PCDHGA5: variants seen among roughly 807,000 people sequenced by gnomAD.
The protein encoded by PCDHGA5 is protocadherin gamma subfamily A, 5, also known as protocadherin gamma-A5.
A neutral mutation model predicts 56.7 loss-of-function variants in PCDHGA5; 36 were observed. The ratio of observed to expected loss-of-function variants is 0.64; its 90% CI spans 0.49 to 0.84. PCDHGA5 has a LOEUF of 0.84. Among genes scored for constraint, PCDHGA5 ranks in the 40% least tolerant of loss-of-function variants. The pLI, the probability that PCDHGA5 is intolerant of heterozygous loss-of-function variation, is 0.00. For missense variants in PCDHGA5, 1,305 were observed against 1,201.5 expected (o/e 1.09, Z -1.27); for synonymous variants, 563 against 520.2 (o/e 1.08, Z -1.12).
chr5:141,376,317 G>A, intron 1 of PCDHGA5: 1 of 1,614,202 alleles, frequency 6.2e-7, no homozygotes, highest in East Asian at 2.2e-5. Flanking sequence ...GGCGTGGAAG[G>A]GGTTCGGGCT....
Position 141,490,413 on chromosome 5 carries a change from G to A in PCDHGA5, c.2422-4394G>A, listed in dbSNP as rs2233606. On this transcript the variant is annotated intron_variant, in intron 1 of 3. Transcript: ENST00000518069. The surrounding 1 kb of genome is among the most constrained non-coding windows in gnomAD (Gnocchi z 5.4). ...GTGAAGTGAGCCTTGATATCTCTCC[G>A]GACCTGCCATTTCAGATTAAGCCTT... 2.3e-3 allele frequency: 3,787 copies of A among 1,614,128 alleles called. 38 individuals are homozygous for A. In the African/African-American group the frequency reaches 0.027, roughly 12 times the overall value.
chr5:141,464,898 C>T (rs969877255), intron 1 of PCDHGA5, among the ~76,000 whole-genome samples: 4 of 151,958 alleles, frequency 2.6e-5, no homozygotes, highest in African/African-American at 4.8e-5. Flanking sequence ...GCCACCATGT[C>T]CAGCTAATTT....
chr5:141,455,343 G>A (rs1462807460), intron 1 of PCDHGA5, among the ~76,000 whole-genome samples: 1 of 152,036 alleles, frequency 6.6e-6, no homozygotes, highest in African/African-American at 2.4e-5. Flanking sequence ...TTTAAGGAGC[G>A]GAGAGTTTAA....
chr5:141,496,440 A>G (rs2099768848), intron 2 of PCDHGA5, among the ~76,000 whole-genome samples: 1 of 152,158 alleles, frequency 6.6e-6, no homozygotes, highest in South Asian at 2.1e-4. Flanking sequence ...AAGTTGCTAC[A>G]GATGCTGAGC....
In PCDHGA5 at chr5:141,440,050, G is replaced by C. The variant is rs747798063; in HGVS notation, c.2422-54757G>C. On this transcript the variant is annotated intron_variant, in intron 1 of 3. Coordinates refer to ENST00000518069, the MANE Select transcript of PCDHGA5 (RefSeq NM_018918.3). ...GTGTCGAGGACATGCCCACTTGAAA[G>C]CTTCGGGTTAATGCTGAGGAATAAT... 6 of 152,826 alleles carry C rather than the reference G, an allele frequency of 3.9e-5. No homozygotes were observed. The East Asian group carries it at 1.2e-3, about 29-fold the overall frequency. 9.5% of individuals were successfully genotyped at this position (152,826 alleles called of 1,614,324 possible). A position where few individuals can be genotyped will look rare whatever the true frequency, so the allele number is the denominator to read the frequency against.
At chr5:141,399,576 C>A (rs2093838433) in intron 1 of PCDHGA5, 4 of 1,614,028 alleles carry the variant, frequency 2.5e-6, no homozygotes, top group Non-Finnish European at 3.4e-6. Context: ...ACGGCCAAGT[C>A]TCCTACTCTA....
chr5:141,464,184 G>T (rs1348739162), intron 1 of PCDHGA5, among the ~76,000 whole-genome samples: 1 of 150,316 alleles, frequency 6.7e-6, no homozygotes, highest in Non-Finnish European at 1.5e-5. Flanking sequence ...AGAATTGCTT[G>T]ATTTCAGGAG....
intron 1 of PCDHGA5, among the ~76,000 whole-genome samples, chr5:141,430,411 C>T (rs879587751): frequency 3.3e-5 from 5 of 150,942 alleles, no homozygotes; most frequent in African/African-American, 1.2e-4. Flanking sequence ...ACTAAAGTTT[C>T]TATTAAAGCG....
intron 1 of PCDHGA5, chr5:141,387,677 C>A (rs1256771366): frequency 1.8e-5 from 13 of 740,970 alleles, no homozygotes; most frequent in South Asian, 4.0e-5. Context: ...GATCTCCTCG[C>A]GCAGCCGCAG....
chr5:141,482,661 T>A (rs1215403061), intron 1 of PCDHGA5, among the ~76,000 whole-genome samples: 2 of 151,742 alleles, frequency 1.3e-5, no homozygotes, highest in African/African-American at 4.9e-5. Flanking sequence ...TGAGCTATGA[T>A]CTAAAGGTTG....
In PCDHGA5 at chr5:141,364,715, A is replaced by G. The variant is rs566972515; in HGVS notation, c.385A>G (p.Asn129Asp). The change falls in exon 1 of 4, where the codon AAC (asparagine) becomes GAC (aspartate). Residue 129 changes from asparagine to aspartate, a missense_variant. By Grantham distance (23) the Asn-to-Asp change is conservative (BLOSUM62 1). Coordinates refer to ENST00000518069, the MANE Select transcript of PCDHGA5 (RefSeq NM_018918.3). Reference protein sequence around the residue: ...VEVEIIDINDNFPRFRDEELK... With the variant: ...VEVEIIDINDDFPRFRDEELK... ...AGTAGAAATAATCGATATTAATGAT[A>G]ACTTCCCGCGTTTCCGGGATGAAGA... 1 of 1,614,010 alleles carries G rather than the reference A, an allele frequency of 6.2e-7. No homozygotes were observed. Among genetic ancestry groups the G allele is most frequent in the Admixed American group, 1.7e-5 (1 of 60,030 alleles).
At chr5:141,392,867 G>C in intron 1 of PCDHGA5, 6 of 1,612,942 alleles carry the variant, frequency 3.7e-6, no homozygotes, top group Non-Finnish European at 5.1e-6. Flanking sequence ...TGCTGTGCGC[G>C]CTGCTGGGAA....
intron 2 of PCDHGA5, among the ~76,000 whole-genome samples, chr5:141,495,233 A>G (rs1226612093): frequency 1.3e-5 from 2 of 152,196 alleles, no homozygotes; most frequent in African/African-American, 4.8e-5. Flanking sequence ...GCTGGGCTCC[A>G]TTATGACCTG....
At position 141,366,374 on chromosome 5, in the gene PCDHGA5, A is replaced by T; in HGVS notation, c.2044A>T (p.Ile682Phe). ...TGACCTAGGCAGTATCAAGACCCCC[A>T]TTGACCCTGAGGATCTGGACCTCAC... is the stretch of plus-strand genomic sequence containing the variant. ...LADLGSIKTP[I>F]DPEDLDLTLY... Residue 682 changes from isoleucine (I) to phenylalanine (F), a missense_variant, in exon 1 of 4, where the codon ATT becomes TTT. Ile to Phe is a conservative substitution (Grantham distance 21, BLOSUM62 0). Coordinates refer to ENST00000518069, the MANE Select transcript of PCDHGA5 (RefSeq NM_018918.3). 3 of 1,614,052 alleles carry T rather than the reference A, an allele frequency of 1.9e-6. No homozygotes were observed. Among genetic ancestry groups the T allele is most frequent in the South Asian group, 2.2e-5 (2 of 91,090 alleles).
intron 1 of PCDHGA5, chr5:141,427,689 A>C (rs3749765): frequency 0.15 from 132,103 of 873,882 alleles, 11,769 homozygotes; most frequent in African/African-American, 0.33. Flanking sequence ...CGGAGCCTCC[A>C]TCCCACAAGT....
rs367698678 is a variant in PCDHGA5 at position 141,374,080 on chromosome 5, A to G, written c.2421+7329A>G. The G allele has an allele frequency of 6.6e-6, 10 of 1,519,950 alleles. No individual in the cohort carries two copies. In the African/African-American group the frequency reaches 1.4e-4, roughly 21 times the overall value. 94.2% of individuals were successfully genotyped at this position (1,519,950 alleles called of 1,614,324 possible). A position where few individuals can be genotyped will look rare whatever the true frequency, so the allele number is the denominator to read the frequency against. On this transcript the variant is annotated intron_variant, in intron 1 of 3. Coordinates refer to ENST00000518069, the MANE Select transcript of PCDHGA5 (RefSeq NM_018918.3). The stretch of plus-strand genomic sequence containing the variant: ...ATCCCAGAGAAGTTCCTAATAAGCC[A>G]GTAATGGCGCCTCCGCAGAGGCATC...
chr5:141,419,479 C>A, intron 1 of PCDHGA5: 2 of 1,612,390 alleles, frequency 1.2e-6, no homozygotes, highest in Non-Finnish European at 1.7e-6. Flanking sequence ...AGGGCTCGCC[C>A]GCGCTCAGCG....
chr5:141,452,463 G>A (rs2098741767), intron 1 of PCDHGA5, among the ~76,000 whole-genome samples: 1 of 152,160 alleles, frequency 6.6e-6, no homozygotes, highest in African/African-American at 2.4e-5. Flanking sequence ...AGCAGACGGA[G>A]CTAGGAAAAA....
intron 1 of PCDHGA5, chr5:141,398,722 A>T: frequency 1.9e-6 from 3 of 1,613,816 alleles, no homozygotes; most frequent in Non-Finnish European, 2.5e-6. Context: ...ACTGGAGAAA[A>T]CCTTAGACCG....
Sources: gnomAD v4.1 joint callset for allele counts (sites outside exome capture counted in the v4.1 genomes callset) on GRCh38, gnomAD v4.1.1 for gene constraint, Gnocchi (gnomAD v3.1) non-coding constraint, MANE v1.5 for transcripts, NCBI Gene and HGNC (gene_info 2026-07-23, HGNC 2026-07-21) for gene names.